The following CCSER2 variants were observed in gnomAD, a reference collection of about 807,000 sequenced individuals.
The protein encoded by CCSER2 is serine-rich coiled-coil domain-containing protein 2.
CCSER2 carries 46 observed loss-of-function variants against 92.3 expected under a neutral mutation model. The ratio of observed to expected loss-of-function variants is 0.50; its 90% CI spans 0.39 to 0.64. The LOEUF (loss-of-function observed/expected upper bound fraction) is 0.64, where lower values mean the gene tolerates loss of function less well. Among genes scored for constraint, CCSER2 ranks in the 30% least tolerant of loss-of-function variants. The probability of loss-of-function intolerance (pLI) is 0.00; values close to 1 mark genes in which losing one functional copy is unlikely to be tolerated. For missense variants in CCSER2, 1,244 were observed against 1,238.9 expected (o/e 1.00, Z -0.06); for synonymous variants, 433 against 431.4 (o/e 1.00, Z -0.04).
At chr10:84,435,689 A>T (rs1844074240) in intron 5 of CCSER2, among the ~76,000 whole-genome samples, 1 of 151,902 alleles carries the variant, frequency 6.6e-6, no homozygotes, top group Non-Finnish European at 1.5e-5. Context: ...AACCAAAAAA[A>T]CCAAAAACTC....
At chr10:84,339,230 C>T (rs1307654942) in intron 1 of CCSER2, among the ~76,000 whole-genome samples, 1 of 151,716 alleles carries the variant, frequency 6.6e-6, no homozygotes, top group East Asian at 1.9e-4. Context: ...TCTTGAACTC[C>T]TAGTGTCAAG....
intron 3 of CCSER2, among the ~76,000 whole-genome samples, chr10:84,410,842 A>T (rs1842613743): frequency 6.6e-6 from 1 of 152,090 alleles, no homozygotes; most frequent in Admixed American, 6.6e-5. Flanking sequence ...CTGTGCCTAA[A>T]TCTTTACCTG....
intron 9 of CCSER2, 63 bp downstream of exon 9, chr10:84,477,727 T>C (rs1440810292): frequency 3.4e-6 from 3 of 879,382 alleles, no homozygotes; most frequent in Non-Finnish European, 5.5e-6. Flanking sequence ...TTTATTTCAC[T>C]CTTTTTACAG....
At chr10:84,450,655 T>C (rs1243642469) in intron 6 of CCSER2, among the ~76,000 whole-genome samples, 1 of 152,112 alleles carries the variant, frequency 6.6e-6, no homozygotes, top group African/African-American at 2.4e-5. Flanking sequence ...TATCAATAAA[T>C]TTACTGAGAG....
chr10:84,415,003 G>A (rs925972892), intron 3 of CCSER2, among the ~76,000 whole-genome samples: 1 of 152,164 alleles, frequency 6.6e-6, no homozygotes, highest in Non-Finnish European at 1.5e-5. Context: ...CATCAGGTCA[G>A]TTATGTTCCT....
intron 6 of CCSER2, among the ~76,000 whole-genome samples, chr10:84,446,372 C>A (rs1033648621): frequency 8.6e-5 from 13 of 152,012 alleles, no homozygotes; most frequent in Non-Finnish European, 1.8e-4. Context: ...GAGAATAAAA[C>A]CAATAATTTT....
At chr10:84,461,055 A>G (rs187202571) in intron 6 of CCSER2, among the ~76,000 whole-genome samples, 1 of 152,190 alleles carries the variant, frequency 6.6e-6, no homozygotes, top group East Asian at 1.9e-4. Flanking sequence ...TAATAAAAGT[A>G]TTTCATTCTA....
At position 84,503,691 on chromosome 10, in the gene CCSER2, A is replaced by C. The variant is rs910511252; in HGVS notation, c.2326-9758A>C. 2.6e-5 allele frequency among the ~76,000 whole-genome samples: 4 copies of C among 152,194 alleles called. No homozygotes were observed. In the South Asian group the frequency reaches 8.3e-4, roughly 31 times the overall value. ...CTTACTGTGTCTAACTAAGCTTTTA[A>C]AACTTGCTCTTTAGTACCTGGCTTG... On this transcript the variant is annotated intron_variant, in intron 9 of 9. Coordinates refer to ENST00000372088, the MANE Select transcript of CCSER2 (RefSeq NM_001284240.2).
intron 6 of CCSER2, among the ~76,000 whole-genome samples, chr10:84,442,222 T>C (rs559942166): frequency 1.3e-5 from 2 of 152,260 alleles, no homozygotes; most frequent in African/African-American, 4.8e-5. Flanking sequence ...TTTGGCTTCT[T>C]AGTGTCCTAA....
At chr10:84,503,182 G>A (rs1393897809) in intron 9 of CCSER2, among the ~76,000 whole-genome samples, 4 of 151,948 alleles carry the variant, frequency 2.6e-5, no homozygotes, top group African/African-American at 9.7e-5. Flanking sequence ...GAGCCAGATC[G>A]CACCACTGTA....
chr10:84,438,570 T>C lies in CCSER2; in HGVS notation c.1927T>C (p.Phe643Leu). Residue 643 changes from phenylalanine to leucine, a missense_variant, in exon 6 of 10, where the codon TTT becomes CTT. Coordinates refer to ENST00000372088, the MANE Select transcript of CCSER2 (RefSeq NM_001284240.2). ...TTTTGAAAGCTATGGAGGGATGCCC[T>C]TTTTCCAGGCTCAGAAGATGTTTGT... ...GHFESYGGMPFFQAQKMFVDV... is the reference protein window; with the variant it reads ...GHFESYGGMPLFQAQKMFVDV... 1 of 1,611,214 alleles carries C rather than the reference T, an allele frequency of 6.2e-7. No individual in the cohort carries two copies. Among genetic ancestry groups the C allele is most frequent in the Non-Finnish European group, 8.5e-7 (1 of 1,177,672 alleles).
intron 3 of CCSER2, among the ~76,000 whole-genome samples, chr10:84,394,168 A>G (rs1841687832): frequency 6.6e-6 from 1 of 152,192 alleles, no homozygotes; most frequent in African/African-American, 2.4e-5. Flanking sequence ...CTTATAGATT[A>G]TGTTACAATA....
Position 84,517,480 on chromosome 10 carries a change from GTACTT to G in CCSER2, c.*3216_*3220del, listed in dbSNP as rs776610398. On this transcript the variant is annotated 3_prime_UTR_variant, in exon 10 of 10. Coordinates refer to ENST00000372088, the MANE Select transcript of CCSER2 (RefSeq NM_001284240.2). ...TTATATATATATTAGAATTTACTAA[GTACTT>G]TAACAAGTAAAAATCTGAATATGAA... 3.9e-5 allele frequency: 6 copies of G among 152,598 alleles called. No homozygotes were observed. In the East Asian group the frequency reaches 9.7e-4, roughly 25 times the overall value. 9.5% of individuals were successfully genotyped at this position (152,598 alleles called of 1,614,324 possible).
At chr10:84,436,634 CAAAAAAAAAAAAA>C (rs71013322) in intron 5 of CCSER2, among the ~76,000 whole-genome samples, 2 of 93,932 alleles carry the variant, frequency 2.1e-5, no homozygotes, top group East Asian at 6.0e-4. Flanking sequence ...GACTCCGTCT[CAAAAAAAAAAAAA>C]AAAAAGGAAG....
chr10:84,455,283 CT>C (rs71013326), intron 6 of CCSER2: 171 of 99,126 alleles, frequency 1.7e-3, no homozygotes, highest in Middle Eastern at 5.0e-3. Context: ...TTTTCTTTTT[CT>C]TTTTTTTTTT....
At chr10:84,383,336 C>T (rs1304488202) in intron 3 of CCSER2, among the ~76,000 whole-genome samples, 4 of 151,922 alleles carry the variant, frequency 2.6e-5, no homozygotes, top group South Asian at 2.1e-4. Context: ...TTTGAGATGG[C>T]GTCTCCCTCT....
intron 3 of CCSER2, among the ~76,000 whole-genome samples, chr10:84,392,694 A>G (rs548412065): frequency 6.6e-5 from 10 of 152,286 alleles, no homozygotes; most frequent in African/African-American, 2.4e-4. Context: ...AAATAGAACA[A>G]AACAAACATG....
In CCSER2 at chr10:84,368,644, A is replaced by G. The variant is rs149673714; in HGVS notation, c.-39-2370A>G. Among the ~76,000 whole-genome samples the G allele has an allele frequency of 2.9e-3, 449 of 152,296 alleles. 2 individuals are homozygous for G. Among genetic ancestry groups the G allele is most frequent in the African/African-American group, 0.01 (418 of 41,578 alleles). On this transcript the variant is annotated intron_variant, in intron 1 of 9. Coordinates refer to ENST00000372088, the MANE Select transcript of CCSER2 (RefSeq NM_001284240.2). ...AATGTCTTCTAGCTTTTATAAAACCATGTATTTTTTTAAAAAAATAATATG... is the reference window on the plus strand; with the variant it reads ...AATGTCTTCTAGCTTTTATAAAACCGTGTATTTTTTTAAAAAAATAATATG...
chr10:84,454,455 A>G (rs2133601951), intron 6 of CCSER2, among the ~76,000 whole-genome samples: 1 of 152,314 alleles, frequency 6.6e-6, no homozygotes, highest in East Asian at 1.9e-4. Context: ...TTGAGATGCA[A>G]TATACACAGT....
Sources: gnomAD v4.1 joint callset for allele counts (sites outside exome capture counted in the v4.1 genomes callset) on GRCh38, gnomAD v4.1.1 for gene constraint, MANE v1.5 for transcripts, NCBI Gene and HGNC (gene_info 2026-07-23, HGNC 2026-07-21) for gene names.